MOCOS: variants seen among roughly 807,000 people sequenced by gnomAD.
MOCOS encodes the protein molybdenum cofactor sulfurase, also known as human molybdenum cofactor sulfurase.
A neutral mutation model predicts 83.6 loss-of-function variants in MOCOS; 86 were observed. The ratio of observed to expected loss-of-function variants is 1.03; its 90% CI spans 0.86 to 1.23. The LOEUF is 1.23. Among genes scored for constraint, MOCOS ranks in the 50% most tolerant of loss-of-function variants. The pLI, the probability that MOCOS is intolerant of heterozygous loss-of-function variation, is 0.00. For missense variants in MOCOS, 1,120 were observed against 1,126.9 expected (o/e 0.99, Z 0.09); for synonymous variants, 445 against 434.7 (o/e 1.02, Z -0.29).
At chr18:36,200,967 A>G (rs59278335) in intron 4 of MOCOS, among the ~76,000 whole-genome samples, 13,176 of 152,260 alleles carry the variant, frequency 0.087, 753 homozygotes, top group African/African-American at 0.15. Context: ...TGGCATATGC[A>G]TCATCCCCAG....
chr18:36,268,925 G>A lies in MOCOS; in HGVS notation c.*240G>A, dbSNP rs748376934. 5.5e-6 allele frequency: 3 copies of A among 546,552 alleles called. No homozygotes were observed. Among genetic ancestry groups the A allele is most frequent in the Non-Finnish European group, 6.5e-6 (2 of 307,132 alleles). The allele number at this position is 546,552 out of a possible 1,614,324, so 33.9% of individuals were successfully genotyped here. ...CGAATGCTGCACCCACATCCAGTGA[G>A]GCTCCTGTAGGTATTTGAAGTATAA... On this transcript the variant is annotated 3_prime_UTR_variant, in exon 15 of 15. Transcript: ENST00000261326.
chr18:36,219,058 G>C (rs1294064449), intron 8 of MOCOS, among the ~76,000 whole-genome samples: 1 of 150,490 alleles, frequency 6.6e-6, no homozygotes, highest in African/African-American at 2.4e-5. Context: ...TAGTAGAGAT[G>C]GGGTTTCACC....
At position 36,220,083 on chromosome 18, in the gene MOCOS, G is replaced by A. The variant is rs1245826714; in HGVS notation, c.1826G>A (p.Gly609Glu). The change falls in exon 9 of 15, where the codon GGG (glycine) becomes GAG (glutamate). Residue 609 changes from glycine (G) to glutamate (E), a missense_variant. Gly to Glu is a moderately conservative substitution (Grantham distance 98). Coordinates refer to ENST00000261326, the MANE Select transcript of MOCOS (RefSeq NM_017947.4). ...ACCAGGTGGCCTGTAGGAAACCAAG[G>A]GCTGCTATATGACCGGAGCTGGATG... ...EVTRWPVGNQ[G>E]LLYDRSWMVV... 1.2e-6 allele frequency: 2 copies of A among 1,613,472 alleles called. No individual in the cohort carries two copies. Among genetic ancestry groups the A allele is most frequent in the Admixed American group, 3.3e-5 (2 of 60,016 alleles).
chr18:36,253,664 C>CAA (rs56823164), intron 11 of MOCOS, among the ~76,000 whole-genome samples: 2 of 124,106 alleles, frequency 1.6e-5, no homozygotes, highest in Non-Finnish European at 3.5e-5. Flanking sequence ...GACTCTGTCT[C>CAA]AAAAAAAAAA....
intron 1 of MOCOS, among the ~76,000 whole-genome samples, chr18:36,194,140 AGGCATTGG>A (rs2091377516): frequency 6.6e-6 from 1 of 152,188 alleles, no homozygotes; most frequent in South Asian, 2.1e-4. Context: ...CTGGGGTTGG[AGGCATTGG>A]GGAGTGATTG....
intron 9 of MOCOS, among the ~76,000 whole-genome samples, chr18:36,234,927 A>G (rs546619230): frequency 1.3e-5 from 2 of 152,248 alleles, no homozygotes; most frequent in African/African-American, 2.4e-5. Flanking sequence ...ACTCACTATC[A>G]TGCAAACAGC....
At chr18:36,258,272 G>C (rs1315642322) in intron 12 of MOCOS, among the ~76,000 whole-genome samples, 2 of 152,168 alleles carry the variant, frequency 1.3e-5, no homozygotes, top group African/African-American at 4.8e-5. Context: ...GCAGAGCTAG[G>C]GTCCCCTGCT....
chr18:36,229,881 C>T (rs1019132921), intron 9 of MOCOS, among the ~76,000 whole-genome samples: 9 of 151,954 alleles, frequency 5.9e-5, no homozygotes, highest in South Asian at 2.1e-4. Context: ...ATTTCCTTGT[C>T]GAACTATTCA....
At chr18:36,258,927 C>T (rs35373965) in intron 12 of MOCOS, among the ~76,000 whole-genome samples, 24,774 of 152,046 alleles carry the variant, frequency 0.16, 2,144 homozygotes, top group Non-Finnish European at 0.19. Flanking sequence ...GTATCCCATC[C>T]CAGTCAGCCT....
intron 9 of MOCOS, among the ~76,000 whole-genome samples, chr18:36,226,888 CTTT>C (rs36075117): frequency 8.7e-5 from 12 of 137,560 alleles, no homozygotes; most frequent in Non-Finnish European, 9.3e-5. Flanking sequence ...TGATGTGTAT[CTTT>C]TTTTTTTTTT....
intron 11 of MOCOS, among the ~76,000 whole-genome samples, chr18:36,255,801 G>C (rs1323526532): frequency 6.6e-6 from 1 of 152,032 alleles, no homozygotes; most frequent in Non-Finnish European, 1.5e-5. Flanking sequence ...CTGCCAAAGG[G>C]AGATGGGAAC....
At chr18:36,267,306 A>G (rs56327637) in intron 14 of MOCOS, among the ~76,000 whole-genome samples, 1,850 of 152,350 alleles carry the variant, frequency 0.012, 19 homozygotes, top group Non-Finnish European at 0.019. Context: ...TATGAATTCC[A>G]GATTATAGAA....
intron 10 of MOCOS, among the ~76,000 whole-genome samples, chr18:36,250,750 C>G (rs10164003): frequency 0.018 from 2,667 of 152,282 alleles, 82 homozygotes; most frequent in African/African-American, 0.061. Flanking sequence ...TTTTACAAAC[C>G]AAACACGTCA....
At position 36,236,206 on chromosome 18, in the gene MOCOS, C is replaced by T. The variant is rs1383076648; in HGVS notation, c.1961-12716C>T. Among the ~76,000 whole-genome samples the T allele has an allele frequency of 4.6e-3, 416 of 90,998 alleles. 4 individuals are homozygous for T. Among genetic ancestry groups the T allele is most frequent in the African/African-American group, 0.015 (399 of 26,410 alleles). The allele number at this position is 90,998 out of a possible 152,430, so 59.7% of individuals were successfully genotyped here. On this transcript the variant is annotated intron_variant, in intron 9 of 14. Transcript: ENST00000261326. Reference sequence around the variant, plus strand: ...GTGGTTTAGACATGAAGTCCTTGCCCATGCCTATGTCCTGAATGGTAATGC... The same window carrying T: ...GTGGTTTAGACATGAAGTCCTTGCCTATGCCTATGTCCTGAATGGTAATGC...
At chr18:36,205,502 A>G (rs545071144) in intron 6 of MOCOS, among the ~76,000 whole-genome samples, 10 of 152,194 alleles carry the variant, frequency 6.6e-5, no homozygotes, top group Non-Finnish European at 1.3e-4. Context: ...GCAGGTGGGA[A>G]ACTGTTGGGT....
intron 11 of MOCOS, among the ~76,000 whole-genome samples, chr18:36,252,369 C>G (rs938715562): frequency 6.6e-6 from 1 of 151,956 alleles, no homozygotes; most frequent in African/African-American, 2.4e-5. Flanking sequence ...AAATAAGATA[C>G]AAAAATTATG....
intron 13 of MOCOS, among the ~76,000 whole-genome samples, chr18:36,264,728 T>A (rs1049376436): frequency 2.0e-5 from 3 of 151,970 alleles, no homozygotes; most frequent in Non-Finnish European, 2.9e-5. Flanking sequence ...AGGGAGCATA[T>A]ATTTCCGCTG....
chr18:36,249,799 CT>C (rs2091615404), intron 10 of MOCOS, among the ~76,000 whole-genome samples: 1 of 152,032 alleles, frequency 6.6e-6, no homozygotes, highest in Admixed American at 6.6e-5. Flanking sequence ...GATAAGGAAG[CT>C]GAGGGTGAGG....
chr18:36,187,545 C>G lies in MOCOS; in HGVS notation c.6C>G (p.Ala2=). Residue 2 remains alanine, a synonymous_variant, in exon 1 of 15, where the codon GCC becomes GCG. Coordinates refer to ENST00000261326, the MANE Select transcript of MOCOS (RefSeq NM_017947.4). ...TGGATGGACTAGCCGGGGCCATGGCCGGCGCGGCGGCGGAGTCAGGGCGGG... is the reference window on the plus strand; with the variant it reads ...TGGATGGACTAGCCGGGGCCATGGCGGGCGCGGCGGCGGAGTCAGGGCGGG... M[A]GAAAESGREL... The G allele has an allele frequency of 1.6e-6, 2 of 1,237,322 alleles. No individual in the cohort carries two copies. The highest frequency in any genetic ancestry group is 1.0e-6 in the Non-Finnish European group (1 of 990,244). 76.6% of individuals were successfully genotyped at this position (1,237,322 alleles called of 1,614,324 possible). A position where few individuals can be genotyped will look rare whatever the true frequency, so the allele number is the denominator to read the frequency against.
Sources: allele counts gnomAD v4.1 joint callset (sites outside exome capture counted in the v4.1 genomes callset), GRCh38; gene constraint gnomAD v4.1.1; transcripts MANE v1.5; gene names NCBI Gene and HGNC (gene_info 2026-07-23, HGNC 2026-07-21).